SSC4D: variants seen among roughly 807,000 people sequenced by gnomAD.
The protein encoded by SSC4D is scavenger receptor cysteine-rich domain-containing group B protein.
SSC4D carries 57 observed loss-of-function variants against 63.4 expected under a neutral mutation model. The observed-to-expected ratio is 0.90, with a 90% CI of 0.73 to 1.12. The LOEUF (loss-of-function observed/expected upper bound fraction) is 1.12. Among genes scored for constraint, SSC4D ranks in the 50% most tolerant of loss-of-function variants. The probability of loss-of-function intolerance (pLI) is 0.00; values close to 1 mark genes in which losing one functional copy is unlikely to be tolerated. For missense variants in SSC4D, 791 were observed against 806.4 expected, an observed-to-expected ratio of 0.98 and a Z score of 0.23; for synonymous variants, 352 against 345.4, an observed-to-expected ratio of 1.02 and a Z score of -0.21.
chr7:76,401,788 T>G (rs1187817913), intron 2 of SSC4D, among the ~76,000 whole-genome samples: 1 of 152,160 alleles, frequency 6.6e-6, no homozygotes, highest in African/African-American at 2.4e-5. Context: ...CAGCTAGAAG[T>G]GCTCTCTGTT....
At position 76,393,489 on chromosome 7, in the gene SSC4D, C is replaced by A; in HGVS notation, c.1249G>T (p.Glu417Ter). 6.6e-7 allele frequency: 1 copy of A among 1,522,716 alleles called. No individual in the cohort carries two copies. Among genetic ancestry groups the A allele is most frequent in the Non-Finnish European group, 8.8e-7 (1 of 1,142,232 alleles). The allele number at this position is 1,522,716 out of a possible 1,614,324, so 94.3% of individuals were successfully genotyped here. Residue 417 changes from glutamate to a stop codon, truncating the protein, a stop_gained, in exon 9 of 11, where the codon GAG becomes TAG. Transcript: ENST00000275560. LOFTEE classifies it high-confidence loss of function. ...TGGAAGCAGTCGCTCAGGCGAGCCT[C>A]GGTGCCGGCGCAGCCCACGTTGTCC... is the stretch of plus-strand genomic sequence containing the variant. ...LLDNVGCAGT[E>*]ARLSDCFHLG...
At chr7:76,400,773 G>A (rs961008253) in intron 3 of SSC4D, among the ~76,000 whole-genome samples, 182 bp from the exon 4 acceptor site, 6 of 152,160 alleles carry the variant, frequency 3.9e-5, no homozygotes, top group African/African-American at 4.8e-5. Context: ...CTCCCAAAGC[G>A]CTAGGATCAC....
intron 1 of SSC4D, 59 bp from the exon 2 acceptor site, chr7:76,404,564 G>C: frequency 1.4e-6 from 2 of 1,437,938 alleles, no homozygotes; most frequent in Non-Finnish European, 1.9e-6. Context: ...GGCCGAGGTG[G>C]GAGGATTGCT....
intron 6 of SSC4D, among the ~76,000 whole-genome samples, chr7:76,395,689 C>T (rs1011977138): frequency 2.4e-4 from 36 of 152,056 alleles, no homozygotes; most frequent in African/African-American, 8.4e-4. Context: ...TTCTCATTAT[C>T]CTCCTCTTTT....
At chr7:76,402,509 G>T (rs1016360786) in intron 2 of SSC4D, among the ~76,000 whole-genome samples, 1 of 151,368 alleles carries the variant, frequency 6.6e-6, no homozygotes, top group Non-Finnish European at 1.5e-5. Context: ...GTAGAGACAG[G>T]GGTCTCACTT....
In SSC4D at chr7:76,393,328, C is replaced by A. The variant is rs529828611; in HGVS notation, c.1333+77G>T. The A allele has an allele frequency of 1.4e-4, 179 of 1,270,790 alleles. 4 individuals are homozygous for A. The South Asian group carries it at 4.1e-3, about 29-fold the overall frequency. 78.7% of individuals were successfully genotyped at this position (1,270,790 alleles called of 1,614,324 possible). ...CGGCAGTGCCGCAAGAGAGGCCTCG[C>A]GCGTGGCGCCGCCCCGCCCCTCCCA... On this transcript the variant is annotated intron_variant, in intron 9 of 10. Coordinates refer to ENST00000275560, the MANE Select transcript of SSC4D (RefSeq NM_080744.2).
Position 76,390,387 on chromosome 7 carries a change from C to A in SSC4D, c.1412-12G>T, listed in dbSNP as rs367928769. ...CAGACGTAGATGCCCTGTGGGGGGACAGGGCTGGGTTGGAAGGGGCTGGTC... is the reference window on the plus strand; with the variant it reads ...CAGACGTAGATGCCCTGTGGGGGGAAAGGGCTGGGTTGGAAGGGGCTGGTC... On this transcript the variant is annotated splice_polypyrimidine_tract_variant and intron_variant, in intron 10 of 10. Coordinates refer to ENST00000275560, the MANE Select transcript of SSC4D (RefSeq NM_080744.2). 4.5e-6 allele frequency: 7 copies of A among 1,566,206 alleles called. 1 individual carries two copies. Among genetic ancestry groups the A allele is most frequent in the Non-Finnish European group, 6.1e-6 (7 of 1,154,928 alleles).
intron 6 of SSC4D, 33 bp from the exon 7 acceptor site, chr7:76,395,363 G>T: frequency 6.2e-7 from 1 of 1,605,598 alleles, no homozygotes; most frequent in Non-Finnish European, 8.5e-7. Flanking sequence ...AGGGTCAGAG[G>T]CTGAGATTCT....
Position 76,400,472 on chromosome 7 carries a change from G to A in SSC4D, c.289C>T (p.Arg97Cys), listed in dbSNP as rs1462586801. Reference sequence around the variant, plus strand: ...AGTGCCAGGCCACAGCCCAGCTGGCGACACACTACGTTGGCGTCCACCACG... The same window carrying A: ...AGTGCCAGGCCACAGCCCAGCTGGCAACACACTACGTTGGCGTCCACCACG... ...WDVVDANVVC[R>C]QLGCGLALPV... is the part of the protein sequence containing the mutation. The change falls in exon 4 of 11, where the codon CGC (arginine) becomes TGC (cysteine). Residue 97 changes from arginine to cysteine, a missense_variant. Arg to Cys is a radical substitution (Grantham distance 180). Transcript: ENST00000275560. The A allele has an allele frequency of 5.6e-6, 9 of 1,607,904 alleles. No individual in the cohort carries two copies. Among genetic ancestry groups the A allele is most frequent in the African/African-American group, 2.7e-5 (2 of 74,800 alleles).
rs776083589 is a variant in SSC4D at position 76,404,384 on chromosome 7, C to A, written c.56G>T (p.Gly19Val). Residue 19 changes from glycine (G) to valine (V), a missense_variant, in exon 2 of 11, where the codon GGG (glycine) becomes GTG (valine). Physicochemically the swap from Gly to Val is moderately radical, Grantham distance 109. Transcript: ENST00000275560. ...IGPQLDEKRW[G>V]WRLGDGSAAP... ...AGCACTCCCATCTCCCAACCTCCAC[C>A]CCCAGCGCTTCTCATCCAGCTGGGG... 1.2e-6 allele frequency: 2 copies of A among 1,613,978 alleles called. No individual in the cohort carries two copies. Among genetic ancestry groups the A allele is most frequent in the East Asian group, 4.5e-5 (2 of 44,878 alleles).
At chr7:76,408,629 C>T (rs79089408) in intron 1 of SSC4D, among the ~76,000 whole-genome samples, 273 of 152,226 alleles carry the variant, frequency 1.8e-3, no homozygotes, top group African/African-American at 6.1e-3. Context: ...GAAGGACCCC[C>T]GATCCTGATC....
In SSC4D at chr7:76,400,295, G is replaced by T; in HGVS notation, c.466C>A (p.Leu156Met). The change falls in exon 4 of 11, where the codon CTG becomes ATG. Residue 156 changes from leucine to methionine, a missense_variant. Coordinates refer to ENST00000275560, the MANE Select transcript of SSC4D (RefSeq NM_080744.2). ...CCAGGGCTCCACTCACCATCACACA[G>T]GACAGCCACATCCTCGTAGTGAAAG... ...NCFHYEDVAV[L>M]CDEFLPTQPP... 1 of 1,491,490 alleles carries T rather than the reference G, an allele frequency of 6.7e-7. No homozygotes were observed. Among genetic ancestry groups the T allele is most frequent in the Non-Finnish European group, 8.9e-7 (1 of 1,117,432 alleles). The allele number at this position is 1,491,490 out of a possible 1,614,324, so 92.4% of individuals were successfully genotyped here.
At chr7:76,395,960 GCTGGGA>G (rs1281368057) in intron 6 of SSC4D, among the ~76,000 whole-genome samples, 1 of 152,250 alleles carries the variant, frequency 6.6e-6, no homozygotes, top group East Asian at 1.9e-4. Flanking sequence ...CTCCCAAAGT[GCTGGGA>G]TTATAGGCGT....
chr7:76,393,356 C>G, intron 9 of SSC4D, 49 bp downstream of exon 9: 1 of 1,310,436 alleles, frequency 7.6e-7, no homozygotes, highest in Non-Finnish European at 9.7e-7. Context: ...CCCTCCCACG[C>G]CGCAGTGCGC....
Position 76,393,640 on chromosome 7 carries a change from GC to G in SSC4D, c.1097del (p.Gly366AlafsTer55). 1.3e-6 allele frequency: 2 copies of G among 1,484,828 alleles called. No individual in the cohort carries two copies. The highest frequency in any genetic ancestry group is 1.8e-6 in the Non-Finnish European group (2 of 1,123,524). 92.0% of individuals were successfully genotyped at this position (1,484,828 alleles called of 1,614,324 possible). ...AGTCCCAGTCATCGTCGCACACGGT[GC>G]CCCAGCCCCCGGCGTGCAACACCTC... Reference protein sequence around the residue: ...RVEVLHAGGWGTVCDDDWDFA... With the variant: ...RVEVLHAGGWXTVCDDDWDFA... On this transcript the variant is annotated frameshift_variant, in exon 9 of 11. Transcript: ENST00000275560. LOFTEE classifies it high-confidence loss of function.
chr7:76,395,277 A>G lies in SSC4D; in HGVS notation c.922T>C (p.Trp308Arg). 1.2e-6 allele frequency: 2 copies of G among 1,613,896 alleles called. No homozygotes were observed. The highest frequency in any genetic ancestry group is 1.7e-6 in the Non-Finnish European group (2 of 1,180,028). The change falls in exon 7 of 11, where the codon TGG becomes CGG. Residue 308 changes from tryptophan (W) to arginine (R), a missense_variant. Physicochemically the swap from Trp to Arg is moderately radical, Grantham distance 101. Coordinates refer to ENST00000275560, the MANE Select transcript of SSC4D (RefSeq NM_080744.2). ...ALPSSATRED[W>R]AWQTDPSATG... ...CCGGACGGATCTGTCTGCCAAGCCC[A>G]GTCCTCTCTTGTGGCTGAGGATGGC...
At position 76,409,694 on chromosome 7, in the gene SSC4D, A is replaced by G. The variant is rs1302657559; in HGVS notation, c.-347T>C. 1 of 152,496 alleles carries G rather than the reference A, an allele frequency of 6.6e-6. No individual in the cohort carries two copies. The highest frequency in any genetic ancestry group is 1.5e-5 in the Non-Finnish European group (1 of 68,310). 9.4% of individuals were successfully genotyped at this position (152,496 alleles called of 1,614,324 possible). On this transcript the variant is annotated 5_prime_UTR_variant, in exon 1 of 11. Coordinates refer to ENST00000275560, the MANE Select transcript of SSC4D (RefSeq NM_080744.2). ...GGCACCAGCTGGAGCGGCCCCAGAA[A>G]AAGGGCACCCAGGTGGAGGCGGAGC...
Position 76,393,494 on chromosome 7 carries a change from C to A in SSC4D, c.1244G>T (p.Gly415Val). 1 of 1,522,950 alleles carries A rather than the reference C, an allele frequency of 6.6e-7. No individual in the cohort carries two copies. The allele number at this position is 1,522,950 out of a possible 1,614,324, so 94.3% of individuals were successfully genotyped here. A position where few individuals can be genotyped will look rare whatever the true frequency, so the allele number is the denominator to read the frequency against. Residue 415 changes from glycine (G) to valine (V), a missense_variant, in exon 9 of 11, where the codon GGC becomes GTC. Gly to Val is a moderately radical substitution (Grantham distance 109). Coordinates refer to ENST00000275560, the MANE Select transcript of SSC4D (RefSeq NM_080744.2). ...GCAGTCGCTCAGGCGAGCCTCGGTG[C>A]CGGCGCAGCCCACGTTGTCCAGCAG... ...PVLLDNVGCA[G>V]TEARLSDCFH...
chr7:76,397,563 C>T lies in SSC4D; in HGVS notation c.823G>A (p.Val275Met), dbSNP rs1384555498. Reference protein sequence around the residue: ...LAACQSLGWGVHNCGHHEDAG... With the variant: ...LAACQSLGWGMHNCGHHEDAG... ...TCCTCGTGGTGGCCGCAGTTGTGCA[C>T]ACCCCAGCCCAGGCTCTGGCAGGCT... Residue 275 changes from valine to methionine, a missense_variant, in exon 6 of 11, where the codon GTG becomes ATG. Physicochemically the swap from Val to Met is conservative, Grantham distance 21 (BLOSUM62 1). Coordinates refer to ENST00000275560, the MANE Select transcript of SSC4D (RefSeq NM_080744.2). 6.2e-7 allele frequency: 1 copy of T among 1,604,550 alleles called. No homozygotes were observed. Among genetic ancestry groups the T allele is most frequent in the South Asian group, 1.1e-5 (1 of 90,038 alleles).
Sources: allele counts gnomAD v4.1 joint callset (sites outside exome capture counted in the v4.1 genomes callset), GRCh38; gene constraint gnomAD v4.1.1; transcripts MANE v1.5; gene names NCBI Gene and HGNC (gene_info 2026-07-23, HGNC 2026-07-21).